PCDHA5: variants seen among roughly 807,000 people sequenced by gnomAD.
The protein encoded by PCDHA5 is protocadherin alpha 5, also known as protocadherin alpha-5.
In PCDHA5, 43 loss-of-function variants were observed where a neutral mutation model predicts 61.6. That is an observed-to-expected ratio of 0.70 (90% CI 0.55 to 0.90). The LOEUF is 0.90. Among genes scored for constraint, PCDHA5 ranks in the 40% least tolerant of loss-of-function variants. The probability of loss-of-function intolerance (pLI) is 0.00; values close to 1 mark genes in which losing one functional copy is unlikely to be tolerated. For missense variants in PCDHA5, 1,298 were observed against 1,222.7 expected, an observed-to-expected ratio of 1.06 and a Z score of -0.92; for synonymous variants, 627 against 543.9, an observed-to-expected ratio of 1.15 and a Z score of -2.13.
In PCDHA5 at chr5:140,822,226, T is replaced by A. The variant is rs2150114732; in HGVS notation, c.451T>A (p.Phe151Ile). 1.2e-5 allele frequency: 19 copies of A among 1,614,276 alleles called. No homozygotes were observed. In the South Asian group the frequency reaches 2.1e-4, roughly 18 times the overall value. Residue 151 changes from phenylalanine to isoleucine, a missense_variant, in exon 1 of 4, where the codon TTT becomes ATT. Phe to Ile is a conservative substitution (Grantham distance 21, BLOSUM62 0). Coordinates refer to ENST00000529859, the MANE Select transcript of PCDHA5 (RefSeq NM_018908.3). Reference protein sequence around the residue: ...ILESRMPDSRFPLEGASDLDI... With the variant: ...ILESRMPDSRIPLEGASDLDI... The stretch of plus-strand genomic sequence containing the variant: ...AGAGTCAAGAATGCCAGATTCGCGG[T>A]TTCCGCTAGAGGGCGCGTCGGATTT...
At chr5:140,869,694 G>T (rs782372405) in intron 1 of PCDHA5, 8 of 1,613,394 alleles carry the variant, frequency 5.0e-6, no homozygotes, top group Non-Finnish European at 6.8e-6. Context: ...TTATTTTAAA[G>T]AAGTCTCTGG....
At chr5:140,834,854 G>A in intron 1 of PCDHA5, 1 of 1,610,584 alleles carries the variant, frequency 6.2e-7, no homozygotes, top group South Asian at 1.1e-5. Flanking sequence ...TAGAGGGCGC[G>A]TCCGATGCAG....
At chr5:140,941,194 TCTTTCTTCCTTTCTTTCTTCC>T (rs1563183817) in intron 1 of PCDHA5, among the ~76,000 whole-genome samples, 5 of 112,350 alleles carry the variant, frequency 4.5e-5, no homozygotes, top group Admixed American at 9.1e-5. Flanking sequence ...TCTTTTTTTT[TCTTTCTTCCTTTCTTTCTTCC>T]TTTCTTTCTT....
At chr5:140,830,506 AAC>A in intron 1 of PCDHA5, 2 of 1,430,724 alleles carry the variant, frequency 1.4e-6, no homozygotes, top group Non-Finnish European at 1.9e-6. Flanking sequence ...TTTCATAATT[AAC>A]AGTTAATTTT....
At chr5:140,927,158 C>G in intron 1 of PCDHA5, 1 of 1,614,166 alleles carries the variant, frequency 6.2e-7, no homozygotes, top group Non-Finnish European at 8.5e-7. Context: ...CTGTGCAGGG[C>G]CAAAGCTGCC....
intron 1 of PCDHA5, chr5:140,870,430 G>A: frequency 6.2e-7 from 1 of 1,614,226 alleles, no homozygotes; most frequent in Non-Finnish European, 8.5e-7. Context: ...GGTATCCGTG[G>A]AGGTGGCCGA....
chr5:140,987,536 A>G (rs555442118), intron 3 of PCDHA5, among the ~76,000 whole-genome samples: 126 of 152,290 alleles, frequency 8.3e-4, no homozygotes, highest in Non-Finnish European at 1.6e-3. Context: ...TCCTGGGACC[A>G]TTACTTAACT....
At chr5:140,884,396 C>T (rs2060144550) in intron 1 of PCDHA5, 1 of 1,614,012 alleles carries the variant, frequency 6.2e-7, no homozygotes, top group Middle Eastern at 1.6e-4. Context: ...GGTGTCCAGC[C>T]TGTTGGTGCT....
chr5:141,002,918 GAACACCCTCC>G (rs1554258833), intron 3 of PCDHA5, among the ~76,000 whole-genome samples: 1 of 152,192 alleles, frequency 6.6e-6, no homozygotes, highest in Non-Finnish European at 1.5e-5. Flanking sequence ...TCAGAAAAGT[GAACACCCTCC>G]AACACCCTCC....
At chr5:140,877,535 A>T in intron 1 of PCDHA5, 1 of 1,613,750 alleles carries the variant, frequency 6.2e-7, no homozygotes, top group Admixed American at 1.7e-5. Flanking sequence ...GGCGCTGTGG[A>T]TCCCGAAGCG....
chr5:140,888,059 T>C (rs1562834280), intron 1 of PCDHA5, among the ~76,000 whole-genome samples: 1 of 152,232 alleles, frequency 6.6e-6, no homozygotes, highest in African/African-American at 2.4e-5. Context: ...TGTTTTAACT[T>C]TCTTGTCTGC....
At chr5:140,839,391 TGA>T (rs2150297382) in intron 1 of PCDHA5, among the ~76,000 whole-genome samples, 1,897 of 151,830 alleles carry the variant, frequency 0.012, 32 homozygotes, top group Middle Eastern at 0.017. Context: ...ATGATGATGA[TGA>T]TGATTATTAT....
chr5:141,005,417 T>G (rs1323051159), intron 3 of PCDHA5, among the ~76,000 whole-genome samples: 2 of 152,062 alleles, frequency 1.3e-5, no homozygotes, highest in African/African-American at 4.8e-5. Context: ...TGAGGAGTCA[T>G]GCTAAGAATG....
chr5:140,961,599 G>A (rs1012408317), intron 1 of PCDHA5, among the ~76,000 whole-genome samples: 3 of 152,062 alleles, frequency 2.0e-5, no homozygotes, highest in Non-Finnish European at 4.4e-5. Flanking sequence ...AATGATTCTA[G>A]TAAATGAAAC....
chr5:140,836,344 A>T, intron 1 of PCDHA5: 1 of 1,613,666 alleles, frequency 6.2e-7, no homozygotes, highest in Non-Finnish European at 8.5e-7. Context: ...GTGAAGGACC[A>T]CGGGGAGCCC....
chr5:140,951,583 C>T (rs939168963), intron 1 of PCDHA5, among the ~76,000 whole-genome samples: 3 of 152,034 alleles, frequency 2.0e-5, no homozygotes, highest in Non-Finnish European at 4.4e-5. Flanking sequence ...CCAGATTTCA[C>T]GAGATCTCTC....
At chr5:140,839,793 G>A (rs1776412354) in intron 1 of PCDHA5, among the ~76,000 whole-genome samples, 1 of 151,918 alleles carries the variant, frequency 6.6e-6, no homozygotes, top group East Asian at 1.9e-4. Context: ...TAGAAATTTG[G>A]AGGAGCTCTT....
intron 1 of PCDHA5, among the ~76,000 whole-genome samples, chr5:140,957,650 C>T (rs1239447979): frequency 1.3e-5 from 2 of 151,848 alleles, no homozygotes; most frequent in Non-Finnish European, 2.9e-5. Flanking sequence ...CTTAAATATT[C>T]AATCATGGAG....
chr5:140,928,981 G>A, intron 1 of PCDHA5: 1 of 1,613,802 alleles, frequency 6.2e-7, no homozygotes, highest in Non-Finnish European at 8.5e-7. Context: ...TTTATTTCTG[G>A]GGTGCTTACT....
Sources: gnomAD v4.1 joint callset for allele counts (sites outside exome capture counted in the v4.1 genomes callset) on GRCh38, gnomAD v4.1.1 for gene constraint, MANE v1.5 for transcripts, NCBI Gene and HGNC (gene_info 2026-07-23, HGNC 2026-07-21) for gene names.